The following RAD51B variants were observed in gnomAD, a reference collection of about 807,000 sequenced individuals.
RAD51B encodes the protein DNA repair protein RAD51 homolog 2.
RAD51B carries 38 observed loss-of-function variants against 42.2 expected under a neutral mutation model. That is an observed-to-expected ratio of 0.90 (90% CI 0.70 to 1.18). The LOEUF is 1.18. Ranked by LOEUF, RAD51B falls within the 50% of genes most tolerant of loss-of-function variation. The pLI is 0.00. For synonymous variants in RAD51B, 154 were observed against 145.2 expected (o/e 1.06, Z -0.43); for missense variants, 373 against 400.7 (o/e 0.93, Z 0.59).
intron 9 of RAD51B, among the ~76,000 whole-genome samples, chr14:68,463,536 G>A (rs1224044513): frequency 6.6e-6 from 1 of 151,916 alleles, no homozygotes; most frequent in Non-Finnish European, 1.5e-5. Context: ...AAAACTCATA[G>A]TGAAAGCAAT....
At chr14:67,840,145 A>G in intron 4 of RAD51B, among the ~76,000 whole-genome samples, 1 of 152,138 alleles carries the variant, frequency 6.6e-6, no homozygotes, top group Admixed American at 6.5e-5. Context: ...ATTTTATTTT[A>G]GGTTCAGGGG....
chr14:68,112,811 G>T (rs955509991), intron 7 of RAD51B, among the ~76,000 whole-genome samples: 4 of 152,098 alleles, frequency 2.6e-5, no homozygotes, highest in Non-Finnish European at 5.9e-5. Context: ...CAATTAGTGA[G>T]ACTTCACTAT....
intron 7 of RAD51B, among the ~76,000 whole-genome samples, chr14:67,997,903 A>G (rs2075413805): frequency 6.6e-6 from 1 of 152,206 alleles, no homozygotes; most frequent in African/African-American, 2.4e-5. Context: ...TAATATGGAA[A>G]TTGTGAATGT....
intron 8 of RAD51B, among the ~76,000 whole-genome samples, chr14:68,354,505 G>A (rs1172976079): frequency 3.3e-5 from 5 of 151,146 alleles, no homozygotes; most frequent in South Asian, 2.2e-4. Context: ...GAGCCACCGC[G>A]CCTGGCCCCA....
At chr14:68,085,494 A>G (rs1354372280) in intron 7 of RAD51B, among the ~76,000 whole-genome samples, 1 of 152,190 alleles carries the variant, frequency 6.6e-6, no homozygotes, top group Non-Finnish European at 1.5e-5. Flanking sequence ...AAAGGAAGAG[A>G]GAGTTTGAAA....
intron 7 of RAD51B, among the ~76,000 whole-genome samples, chr14:68,089,472 C>A (rs1229124910): frequency 1.3e-5 from 2 of 152,180 alleles, no homozygotes; most frequent in Non-Finnish European, 2.9e-5. Context: ...CAGCAGGGGG[C>A]TGGCACAGGG....
intron 7 of RAD51B, among the ~76,000 whole-genome samples, chr14:68,274,147 C>T (rs903412383): frequency 6.6e-6 from 1 of 152,112 alleles, no homozygotes; most frequent in Non-Finnish European, 1.5e-5. Context: ...CTATTTTAGA[C>T]ATTATCTCAT....
intron 11 of RAD51B, among the ~76,000 whole-genome samples, chr14:68,651,737 G>A (rs1325107748): frequency 6.6e-6 from 1 of 152,224 alleles, no homozygotes; most frequent in African/African-American, 2.4e-5. Context: ...AAGGCTGCCT[G>A]CCTTTGAACT....
intron 7 of RAD51B, among the ~76,000 whole-genome samples, chr14:68,112,536 G>C (rs2077475686): frequency 6.6e-6 from 1 of 152,082 alleles, no homozygotes; most frequent in African/African-American, 2.4e-5. Context: ...AAAATTCTTA[G>C]CAAATTTTAA....
At chr14:68,668,818 G>A (rs1184167995) in intron 11 of RAD51B, among the ~76,000 whole-genome samples, 3 of 152,292 alleles carry the variant, frequency 2.0e-5, no homozygotes, top group South Asian at 2.1e-4. Context: ...ACAAGTCAGG[G>A]GCAGCATCTG....
At chr14:68,408,121 G>A (rs2084326775) in intron 8 of RAD51B, among the ~76,000 whole-genome samples, 1 of 152,152 alleles carries the variant, frequency 6.6e-6, no homozygotes, top group African/African-American at 2.4e-5. Flanking sequence ...AGCTAATGTG[G>A]GTCTAAGGTT....
At chr14:68,290,682 C>G (rs2081498462) in intron 7 of RAD51B, among the ~76,000 whole-genome samples, 2 of 152,132 alleles carry the variant, frequency 1.3e-5, no homozygotes, top group Admixed American at 6.5e-5. Flanking sequence ...AGTGTTATTT[C>G]TTTAGAGTCA....
At chr14:67,993,070 CA>C (rs2075322069) in intron 7 of RAD51B, among the ~76,000 whole-genome samples, 1 of 152,186 alleles carries the variant, frequency 6.6e-6, no homozygotes, top group Non-Finnish European at 1.5e-5. Context: ...ATCCAAGAAA[CA>C]TTTTTTTAAT....
At chr14:68,165,894 A>G (rs752935418) in intron 7 of RAD51B, among the ~76,000 whole-genome samples, 9 of 152,192 alleles carry the variant, frequency 5.9e-5, no homozygotes, top group Admixed American at 3.9e-4. Flanking sequence ...TAGTACATAA[A>G]AGAAATAGCT....
Position 68,178,512 on chromosome 14 carries a change from T to C in RAD51B, c.757-113372T>C, listed in dbSNP as rs548023547. 2.0e-5 allele frequency among the ~76,000 whole-genome samples: 3 copies of C among 152,306 alleles called. No individual in the cohort carries two copies. In the South Asian group the frequency reaches 6.2e-4, roughly 32 times the overall value. ...GGTTTAAGACTTCGATCATAAGTCA[T>C]CTAAGTAATTGGGCTATGCGTATCC... On this transcript the variant is annotated intron_variant, in intron 7 of 10. Coordinates refer to ENST00000471583, the MANE Select transcript of RAD51B (RefSeq NM_133510.4).
intron 8 of RAD51B, among the ~76,000 whole-genome samples, chr14:68,319,534 T>C (rs1216068321): frequency 6.6e-6 from 1 of 152,244 alleles, no homozygotes; most frequent in Non-Finnish European, 1.5e-5. Context: ...TCATACCAAG[T>C]GAAAGGAGTC....
At chr14:68,598,142 A>G (rs947166193), downstream of RAD51B, among the ~76,000 whole-genome samples, 5 of 152,036 alleles carry the variant, frequency 3.3e-5, no homozygotes, top group African/African-American at 1.2e-4. Context: ...ATCAGTAGGA[A>G]CTCCTTAAGC....
At chr14:67,873,539 A>G (rs1012451423) in intron 5 of RAD51B, among the ~76,000 whole-genome samples, 12 of 151,752 alleles carry the variant, frequency 7.9e-5, no homozygotes, top group African/African-American at 2.4e-4. Context: ...GCGATTCCTC[A>G]GGGATCTAGA....
At chr14:68,257,332 T>G (rs1271999463) in intron 7 of RAD51B, among the ~76,000 whole-genome samples, 1 of 152,158 alleles carries the variant, frequency 6.6e-6, no homozygotes, top group Non-Finnish European at 1.5e-5. Context: ...TACTCATAAA[T>G]GGTTAAAATT....
Sources: allele counts gnomAD v4.1 joint callset (sites outside exome capture counted in the v4.1 genomes callset), GRCh38; gene constraint gnomAD v4.1.1; transcripts MANE v1.5; gene names NCBI Gene and HGNC (gene_info 2026-07-23, HGNC 2026-07-21).